Variants in WDPCP observed in about 807,000 individuals in gnomAD.
WDPCP encodes the protein WD repeat containing planar cell polarity effector, also known as WD repeat-containing and planar cell polarity effector protein fritz homolog.
In WDPCP, 71 loss-of-function variants were observed where a neutral mutation model predicts 93.1. The observed-to-expected ratio is 0.76, with a 90% confidence interval of 0.63 to 0.93. The LOEUF is 0.93. Among genes scored for constraint, WDPCP ranks in the 40% least tolerant of loss-of-function variants. WDPCP has a pLI of 0.00. For missense variants in WDPCP, 844 were observed against 887.4 expected (o/e 0.95, Z 0.62); for synonymous variants, 315 against 315.0 (o/e 1.00, Z 0.00).
chr2:63,561,392 T>C (rs1395696543), intron 1 of WDPCP, among the ~76,000 whole-genome samples: 1 of 151,650 alleles, frequency 6.6e-6, no homozygotes, highest in Non-Finnish European at 1.5e-5. Flanking sequence ...GCAGGAGAAT[T>C]GCTTGAACCC....
chr2:63,152,110 A>G (rs551255226), intron 17 of WDPCP, among the ~76,000 whole-genome samples: 1 of 152,174 alleles, frequency 6.6e-6, no homozygotes, highest in African/African-American at 2.4e-5. Flanking sequence ...TAAAAATTAT[A>G]TGTAATAAAA....
intron 2 of WDPCP, chr2:63,752,709 C>A: frequency 3.0e-6 from 1 of 332,952 alleles, no homozygotes; most frequent in Non-Finnish European, 5.5e-6. Flanking sequence ...TGAATGTATC[C>A]TTATGTTATA....
intron 12 of WDPCP, chr2:63,377,717 T>A (rs997210040): frequency 1.3e-5 from 2 of 151,570 alleles, no homozygotes; most frequent in Non-Finnish European, 3.0e-5. Flanking sequence ...CTGCCACATT[T>A]ATATATGTAT....
chr2:63,271,660 C>A (rs1682664053), intron 13 of WDPCP, among the ~76,000 whole-genome samples: 1 of 152,138 alleles, frequency 6.6e-6, no homozygotes, highest in South Asian at 2.1e-4. Flanking sequence ...CATAAAGAAA[C>A]CTGAAGATAG....
rs141609765 is a variant in WDPCP at position 63,507,769 on chromosome 2, C to T, written c.76-14829G>A. Among the ~76,000 whole-genome samples, 50 of 152,058 alleles carry T rather than the reference C, an allele frequency of 3.3e-4. No individual in the cohort carries two copies. In the East Asian group the frequency reaches 8.1e-3, roughly 25 times the overall value. On this transcript the variant is annotated intron_variant, in intron 1 of 17. Transcript: ENST00000272321. ...CCTGATGGAGCTGAAAAACACAGCA[C>T]GAGAACTTCATGAAGCATACACAAG... is the stretch of plus-strand genomic sequence containing the variant.
At position 63,404,060 on chromosome 2, in the gene WDPCP, A is replaced by G. The variant is rs1362757183; in HGVS notation, c.1423T>C (p.Leu475=). ...RFERGPLGVL[L]FKLGVFTRGQ... Reference sequence around the variant, plus strand: ...TTCCTTGACTTACCTAGTTTAAACAACAGCACACCCAAAGGTCCTCTTTCA... The same window carrying G: ...TTCCTTGACTTACCTAGTTTAAACAGCAGCACACCCAAAGGTCCTCTTTCA... Residue 475 remains leucine (L), a synonymous_variant, in exon 10 of 18, where the codon TTG becomes CTG. Coordinates refer to ENST00000272321, the MANE Select transcript of WDPCP (RefSeq NM_015910.7). 19 of 1,614,130 alleles carry G rather than the reference A, an allele frequency of 1.2e-5. No individual in the cohort carries two copies. Among genetic ancestry groups the G allele is most frequent in the Non-Finnish European group, 1.6e-5 (19 of 1,179,988 alleles).
intron 2 of WDPCP, among the ~76,000 whole-genome samples, chr2:63,656,643 G>T (rs1445556020): frequency 1.3e-5 from 2 of 152,220 alleles, no homozygotes; most frequent in Non-Finnish European, 2.9e-5. Flanking sequence ...AACTAAAACA[G>T]CATCAAAAAC....
chr2:63,788,682 A>C (rs1025428819), intron 2 of WDPCP, among the ~76,000 whole-genome samples: 1 of 152,258 alleles, frequency 6.6e-6, no homozygotes, highest in Non-Finnish European at 1.5e-5. Flanking sequence ...ATTTAAAAAA[A>C]GAAATAAATC....
At chr2:63,652,528 T>C (rs1291297120) in intron 2 of WDPCP, among the ~76,000 whole-genome samples, 2 of 152,220 alleles carry the variant, frequency 1.3e-5, no homozygotes, top group Non-Finnish European at 2.9e-5. Flanking sequence ...TCCCACCAGA[T>C]GGCTTCCTCG....
chr2:63,752,196 C>T (rs77140726), intron 2 of WDPCP: 10 of 662,942 alleles, frequency 1.5e-5, no homozygotes, highest in Non-Finnish European at 2.7e-5. Context: ...AGACAAAGCT[C>T]CTTTTTTTTT....
chr2:63,283,801 A>G (rs563977565), intron 13 of WDPCP, among the ~76,000 whole-genome samples: 21 of 152,330 alleles, frequency 1.4e-4, no homozygotes, highest in African/African-American at 4.8e-4. Context: ...GGTTCTAAAC[A>G]GTGCTAGGGC....
chr2:63,738,801 C>T (rs980698474), intron 2 of WDPCP, among the ~76,000 whole-genome samples: 22 of 151,998 alleles, frequency 1.4e-4, no homozygotes, highest in African/African-American at 4.8e-4. Context: ...TGAATTTTCA[C>T]AACTGAACAC....
intron 10 of WDPCP, among the ~76,000 whole-genome samples, chr2:63,393,690 A>G (rs181543418): frequency 6.6e-6 from 1 of 152,172 alleles, no homozygotes; most frequent in Non-Finnish European, 1.5e-5. Flanking sequence ...ACAATGATGC[A>G]ATGACCAAAA....
intron 1 of WDPCP, among the ~76,000 whole-genome samples, chr2:63,547,607 T>C (rs1705248992): frequency 6.6e-6 from 1 of 151,474 alleles, no homozygotes; most frequent in South Asian, 2.1e-4. Flanking sequence ...ACTGAAATAT[T>C]ATTCAGCCAT....
chr2:63,219,157 A>G (rs532117902), intron 14 of WDPCP, among the ~76,000 whole-genome samples: 18 of 152,216 alleles, frequency 1.2e-4, no homozygotes, highest in Non-Finnish European at 2.9e-5. Context: ...ACGAGCCAAA[A>G]CATAGGAACA....
chr2:63,325,859 A>G (rs1297609651), intron 12 of WDPCP, among the ~76,000 whole-genome samples: 1 of 152,226 alleles, frequency 6.6e-6, no homozygotes, highest in Non-Finnish European at 1.5e-5. Context: ...GCCTTCCCAC[A>G]GGACAAAACT....
chr2:63,699,651 A>G (rs932154115), intron 2 of WDPCP, among the ~76,000 whole-genome samples: 2 of 152,204 alleles, frequency 1.3e-5, no homozygotes, highest in African/African-American at 4.8e-5. Flanking sequence ...TGGAGCTATA[A>G]AAGAATGAGT....
At chr2:63,174,541 C>G (rs1483250083) in intron 15 of WDPCP, 129 bp downstream of exon 15, 1 of 1,199,174 alleles carries the variant, frequency 8.3e-7, no homozygotes, top group African/African-American at 1.5e-5. Flanking sequence ...ACTGCAAAGT[C>G]TGAGCCATGA....
intron 14 of WDPCP, among the ~76,000 whole-genome samples, chr2:63,235,137 C>A (rs1348905239): frequency 6.6e-6 from 1 of 152,064 alleles, no homozygotes; most frequent in Non-Finnish European, 1.5e-5. Context: ...TCCAAATAAG[C>A]ACAATCAGAA....
Sources: allele counts gnomAD v4.1 joint callset (sites outside exome capture counted in the v4.1 genomes callset), GRCh38; gene constraint gnomAD v4.1.1; transcripts MANE v1.5; gene names NCBI Gene and HGNC (gene_info 2026-07-23, HGNC 2026-07-21).